The following RAPGEF4 variants were observed in gnomAD, a reference collection of about 807,000 sequenced individuals.
RAPGEF4 encodes Rap guanine nucleotide exchange factor 4, also known as RAP guanine-nucleotide-exchange factor (GEF) 4.
In RAPGEF4, 66 loss-of-function variants were observed where a neutral mutation model predicts 147.9. The ratio of observed to expected loss-of-function variants is 0.45; its 90% CI spans 0.37 to 0.55. The LOEUF (loss-of-function observed/expected upper bound fraction) is 0.55. Among genes scored for constraint, RAPGEF4 ranks in the 20% least tolerant of loss-of-function variants. RAPGEF4 has a pLI of 0.00. For missense variants in RAPGEF4, 1,071 were observed against 1,257.3 expected (o/e 0.85, Z 2.24); for synonymous variants, 419 against 442.7 (o/e 0.95, Z 0.67).
intron 4 of RAPGEF4, among the ~76,000 whole-genome samples, chr2:172,862,892 A>G (rs542600958): frequency 5.3e-5 from 8 of 152,284 alleles, no homozygotes; most frequent in African/African-American, 1.9e-4. Flanking sequence ...TAGTAGTATC[A>G]TTTACCCCGT....
intron 16 of RAPGEF4, among the ~76,000 whole-genome samples, chr2:173,000,351 G>C (rs377623019): frequency 6.6e-6 from 1 of 152,272 alleles, no homozygotes; most frequent in Non-Finnish European, 1.5e-5. Flanking sequence ...TAAAATGTAC[G>C]TATTTCTCAC....
rs528700117 is a variant in RAPGEF4, at chr2:172,926,518, C to T, written c.537+4218C>T. Among the ~76,000 whole-genome samples, 5 of 152,252 alleles carry T rather than the reference C, an allele frequency of 3.3e-5. No individual in the cohort carries two copies. In the South Asian group the frequency reaches 1.0e-3, roughly 32 times the overall value. ...TTCCTAATTTATAAACATCTTGTTT[C>T]CCAGAGGATCATCTGGGGTCCTCAT... On this transcript the variant is annotated intron_variant, in intron 6 of 30. Transcript: ENST00000397081.
intron 1 of RAPGEF4, among the ~76,000 whole-genome samples, chr2:172,751,382 T>C (rs1695276446): frequency 6.6e-6 from 1 of 152,194 alleles, no homozygotes. Context: ...GTACCTAGTA[T>C]GTGCCAGATG....
At chr2:172,816,632 G>C (rs573808977) in intron 4 of RAPGEF4, among the ~76,000 whole-genome samples, 4 of 152,136 alleles carry the variant, frequency 2.6e-5, no homozygotes, top group African/African-American at 9.7e-5. Flanking sequence ...GATATGGAGG[G>C]CTGTCCTTGC....
rs541632535 is a variant in RAPGEF4 at position 172,812,874 on chromosome 2, A to G, written c.298-1405A>G. ...GAAAGTCTGTGATTTATCATAATCT[A>G]TCTTGTGTTTTTACTAGCATTTAAA... On this transcript the variant is annotated intron_variant, in intron 3 of 30. Coordinates refer to ENST00000397081, the MANE Select transcript of RAPGEF4 (RefSeq NM_007023.4). 3.3e-5 allele frequency among the ~76,000 whole-genome samples: 5 copies of G among 152,334 alleles called. No homozygotes were observed. In the South Asian group the frequency reaches 1.0e-3, roughly 32 times the overall value.
chr2:172,864,749 C>A (rs1694440178), intron 4 of RAPGEF4, among the ~76,000 whole-genome samples: 2 of 152,082 alleles, frequency 1.3e-5, no homozygotes, highest in South Asian at 4.1e-4. Context: ...ACAAAAAATG[C>A]CAAAAATTAG....
intron 4 of RAPGEF4, among the ~76,000 whole-genome samples, chr2:172,832,435 A>C (rs1690464169): frequency 6.6e-6 from 1 of 152,152 alleles, no homozygotes; most frequent in African/African-American, 2.4e-5. Flanking sequence ...CAGAGGAAAA[A>C]ATATTAACTT....
chr2:172,948,283 G>A (rs1171632179), intron 6 of RAPGEF4, among the ~76,000 whole-genome samples: 1 of 152,158 alleles, frequency 6.6e-6, no homozygotes, highest in African/African-American at 2.4e-5. Flanking sequence ...TGAGGTGTTA[G>A]GAATGTGCTT....
intron 4 of RAPGEF4, among the ~76,000 whole-genome samples, chr2:172,862,494 G>A (rs904883555): frequency 7.9e-5 from 12 of 152,096 alleles, no homozygotes; most frequent in African/African-American, 2.9e-4. Flanking sequence ...CTAGATACAT[G>A]CTGTAACCAA....
chr2:172,862,031 G>A (rs182012004), intron 4 of RAPGEF4, among the ~76,000 whole-genome samples: 188 of 152,306 alleles, frequency 1.2e-3, no homozygotes, highest in Non-Finnish European at 1.2e-3. Context: ...GCCAAATGAG[G>A]TATTGATTAG....
At chr2:172,781,229 C>T (rs924813646) in intron 1 of RAPGEF4, among the ~76,000 whole-genome samples, 1 of 152,142 alleles carries the variant, frequency 6.6e-6, no homozygotes, top group Admixed American at 6.5e-5. Flanking sequence ...AATTTTACTT[C>T]TCAAAAAGAG....
chr2:172,964,197 G>A (rs928016342), intron 8 of RAPGEF4, among the ~76,000 whole-genome samples: 2 of 152,082 alleles, frequency 1.3e-5, no homozygotes, highest in African/African-American at 2.4e-5. Flanking sequence ...GCCCACTGAA[G>A]CTCTAATGTG....
intron 2 of RAPGEF4, among the ~76,000 whole-genome samples, chr2:172,796,546 T>C (rs10170449): frequency 0.35 from 53,739 of 151,848 alleles, 10,042 homozygotes; most frequent in Middle Eastern, 0.47. Flanking sequence ...GATTGCGCCA[T>C]TGCACTCTGC....
intron 4 of RAPGEF4, among the ~76,000 whole-genome samples, chr2:172,832,979 G>A (rs564323503): frequency 7.9e-5 from 12 of 152,186 alleles, no homozygotes; most frequent in Non-Finnish European, 1.3e-4. Flanking sequence ...CAAGGTGGGC[G>A]GATCGCCTGA....
At chr2:172,829,900 T>C (rs1426511799) in intron 4 of RAPGEF4, among the ~76,000 whole-genome samples, 2 of 151,404 alleles carry the variant, frequency 1.3e-5, no homozygotes, top group Non-Finnish European at 2.9e-5. Flanking sequence ...CCTGGGATTC[T>C]TGAGCCCTGA....
At chr2:172,813,979 G>A (rs528587399) in intron 3 of RAPGEF4, among the ~76,000 whole-genome samples, 18 of 152,262 alleles carry the variant, frequency 1.2e-4, no homozygotes, top group African/African-American at 2.9e-4. Flanking sequence ...GGAGAATATC[G>A]TCTGACTTCT....
At chr2:173,032,840 T>C (rs1697320322) in intron 26 of RAPGEF4, among the ~76,000 whole-genome samples, 2 of 152,184 alleles carry the variant, frequency 1.3e-5, no homozygotes, top group African/African-American at 4.8e-5. Context: ...AGAGGCCCAA[T>C]TGGTGAATCA....
intron 11 of RAPGEF4, among the ~76,000 whole-genome samples, chr2:172,983,792 T>C (rs1020024562): frequency 3.9e-5 from 6 of 152,198 alleles, no homozygotes; most frequent in African/African-American, 1.4e-4. Context: ...TAGTTGCCCA[T>C]GTGCCCTAAA....
chr2:172,883,377 G>A (rs1333341256), intron 4 of RAPGEF4, among the ~76,000 whole-genome samples: 1 of 151,948 alleles, frequency 6.6e-6, no homozygotes, highest in African/African-American at 2.4e-5. Flanking sequence ...TTTACAATCA[G>A]GATTAATCCA....
Sources: gnomAD v4.1 joint callset for allele counts (sites outside exome capture counted in the v4.1 genomes callset) on GRCh38, gnomAD v4.1.1 for gene constraint, MANE v1.5 for transcripts, NCBI Gene and HGNC (gene_info 2026-07-23, HGNC 2026-07-21) for gene names.